UGT1A3: variants seen among roughly 807,000 people sequenced by gnomAD.
The protein encoded by UGT1A3 is UDP glucuronosyltransferase family 1 member A3.
Under a neutral mutation model 41.0 loss-of-function variants are expected in UGT1A3, and 31 were observed. That is an observed-to-expected ratio of 0.76 (90% CI 0.57 to 1.02). The LOEUF (loss-of-function observed/expected upper bound fraction) is 1.02, where lower values mean the gene tolerates loss of function less well. Among genes scored for constraint, UGT1A3 ranks in the 50% least tolerant of loss-of-function variants. The probability of loss-of-function intolerance (pLI) is 0.00; values close to 1 mark genes in which losing one functional copy is unlikely to be tolerated. For missense variants in UGT1A3, 737 were observed against 671.0 expected, an observed-to-expected ratio of 1.10 and a Z score of -1.09; for synonymous variants, 262 against 257.6, an observed-to-expected ratio of 1.02 and a Z score of -0.17.
chr2:233,755,426 C>G, intron 1 of UGT1A3: 1 of 320,654 alleles, frequency 3.1e-6, no homozygotes, highest in South Asian at 2.7e-5. Flanking sequence ...GAGCGCCTCG[C>G]ATCCCAAGAT....
intron 1 of UGT1A3, among the ~76,000 whole-genome samples, chr2:233,734,862 C>T (rs1280168224): frequency 6.6e-6 from 1 of 152,224 alleles, no homozygotes; most frequent in Admixed American, 6.5e-5. Flanking sequence ...AATTTGACTG[C>T]ACTATGGTCT....
At chr2:233,754,918 G>A (rs1172980350) in intron 1 of UGT1A3, 1 of 1,353,118 alleles carries the variant, frequency 7.4e-7, no homozygotes. Flanking sequence ...TTCTCCAGCG[G>A]GTTTCCCAAG....
chr2:233,768,597 T>C (rs1188549543), intron 4 of UGT1A3, among the ~76,000 whole-genome samples, 158 bp downstream of exon 4: 1 of 135,710 alleles, frequency 7.4e-6, no homozygotes, highest in Non-Finnish European at 1.6e-5. Context: ...TTTTTTTTTT[T>C]TTTTTTTGAG....
chr2:233,729,125 A>G lies in UGT1A3; in HGVS notation c.-2A>G, dbSNP rs760047362. On this transcript the variant is annotated 5_prime_UTR_variant, in exon 1 of 5. An upstream open reading frame in the 5' UTR loses its in-frame stop. Transcript: ENST00000482026. ...AGTCAGCTGTCCGTGTCTTCTGCTG[A>G]GATGGCCACAGGACTCCAGGTTCCC... 5 of 1,613,014 alleles carry G rather than the reference A, an allele frequency of 3.1e-6. No individual in the cohort carries two copies. The African/African-American group carries it at 6.7e-5, about 22-fold the overall frequency.
intron 1 of UGT1A3, among the ~76,000 whole-genome samples, chr2:233,736,231 C>A (rs570595506): frequency 2.0e-5 from 3 of 152,220 alleles, no homozygotes; most frequent in East Asian, 1.9e-4. Flanking sequence ...TTTTCTCTAA[C>A]CTTGTCTTCT....
chr2:233,729,751 C>G lies in UGT1A3; in HGVS notation c.625C>G (p.Gln209Glu), dbSNP rs1485305910. The G allele has an allele frequency of 6.2e-7, 1 of 1,614,002 alleles. No individual in the cohort carries two copies. The highest frequency in any genetic ancestry group is 1.7e-4 in the Middle Eastern group (1 of 6,054). ...CAATTCAGACCACATGACATTCATG[C>G]AAAGGGTCAAGAACATGCTCTACCC... ...TTNSDHMTFM[Q>E]RVKNMLYPLA... The change falls in exon 1 of 5, where the codon CAA (glutamine) becomes GAA (glutamate). Residue 209 changes from glutamine (Q) to glutamate (E), a missense_variant. Gln to Glu is a conservative substitution (Grantham distance 29, BLOSUM62 2). Coordinates refer to ENST00000482026, the MANE Select transcript of UGT1A3 (RefSeq NM_019093.4).
At chr2:233,766,944 A>C (rs1699286381) in intron 1 of UGT1A3, 90 bp from the exon 2 acceptor site, 2 of 1,597,570 alleles carry the variant, frequency 1.3e-6, no homozygotes, top group South Asian at 2.3e-5. Context: ...TCATAGTCTT[A>C]AGAGGAAGAT....
chr2:233,757,899 T>C (rs1696747026), intron 1 of UGT1A3, among the ~76,000 whole-genome samples: 1 of 152,126 alleles, frequency 6.6e-6, no homozygotes, highest in African/African-American at 2.4e-5. Context: ...ACACTTTCCA[T>C]GGACGTGTCA....
chr2:233,729,416 C>G lies in UGT1A3; in HGVS notation c.290C>G (p.Thr97Ser). The G allele has an allele frequency of 6.2e-7, 1 of 1,613,628 alleles. No individual in the cohort carries two copies. Among genetic ancestry groups the G allele is most frequent in the Non-Finnish European group, 8.5e-7 (1 of 1,179,678 alleles). ...TTTGATCGCCATGTGCTGGGCCACA[C>G]TCAACTGTACTTTGAAACAGAACAT... is the stretch of plus-strand genomic sequence containing the variant. Reference protein sequence around the residue: ...DEFDRHVLGHTQLYFETEHFL... With the variant: ...DEFDRHVLGHSQLYFETEHFL... The change falls in exon 1 of 5, where the codon ACT (threonine) becomes AGT (serine). Residue 97 changes from threonine to serine, a missense_variant. Transcript: ENST00000482026.
rs1029804751 is a variant in UGT1A3, at chr2:233,760,707, G to A, written c.868-6327G>A. ...ACAACAAGGAGCTCATGGCCTCCCT[G>A]GCAGAAAGCAGCTTTGATGTCATGC... On this transcript the variant is annotated intron_variant, in intron 1 of 4. Transcript: ENST00000482026. 6.8e-6 allele frequency: 11 copies of A among 1,614,064 alleles called. No individual in the cohort carries two copies. The East Asian group carries it at 8.9e-5, about 13-fold the overall frequency.
chr2:233,759,924 C>T (rs887829), intron 1 of UGT1A3, among the ~76,000 whole-genome samples: 54,890 of 151,920 alleles, frequency 0.36, 10,314 homozygotes, highest in African/African-American at 0.45. Context: ...TGTTTAATTT[C>T]TGGAAAAGAA....
At chr2:233,732,356 G>A (rs946467388) in intron 1 of UGT1A3, among the ~76,000 whole-genome samples, 35 of 152,232 alleles carry the variant, frequency 2.3e-4, no homozygotes, top group Non-Finnish European at 4.6e-4. Context: ...TAGTCATGAA[G>A]TCCTGGCCCA....
chr2:233,770,355 G>C (rs1271934216), intron 4 of UGT1A3: 2 of 152,122 alleles, frequency 1.3e-5, no homozygotes, highest in African/African-American at 4.8e-5. Flanking sequence ...ACTATTGAAT[G>C]AATGAATGAA....
At chr2:233,763,812 C>A (rs1698404052) in intron 1 of UGT1A3, among the ~76,000 whole-genome samples, 1 of 152,104 alleles carries the variant, frequency 6.6e-6, no homozygotes, top group Non-Finnish European at 1.5e-5. Context: ...TCAAGAATTC[C>A]AAGATGTTCC....
intron 1 of UGT1A3, among the ~76,000 whole-genome samples, chr2:233,749,028 G>T (rs564218690): frequency 1.3e-5 from 2 of 151,722 alleles, no homozygotes; most frequent in South Asian, 4.2e-4. Context: ...AATATTTGGG[G>T]TTCATTGATG....
intron 1 of UGT1A3, chr2:233,760,208 A>G: frequency 6.3e-7 from 1 of 1,589,248 alleles, no homozygotes; most frequent in Non-Finnish European, 8.5e-7. Flanking sequence ...TCAAACATTA[A>G]CTTGGTGTAT....
At chr2:233,745,320 A>T (rs1693070605) in intron 1 of UGT1A3, among the ~76,000 whole-genome samples, 1 of 151,792 alleles carries the variant, frequency 6.6e-6, no homozygotes, top group African/African-American at 2.4e-5. Flanking sequence ...TTTCCACTAG[A>T]ACTGCTATAT....
intron 1 of UGT1A3, chr2:233,755,414 G>T (rs11673726): frequency 0.36 from 117,303 of 321,602 alleles, 22,184 homozygotes; most frequent in African/African-American, 0.41. Context: ...GCCGAGGCCT[G>T]TGAGCGCCTC....
Position 233,760,901 on chromosome 2 carries a change from C to T in UGT1A3, c.868-6133C>T, listed in dbSNP as rs766170365. The T allele has an allele frequency of 1.9e-6, 3 of 1,614,178 alleles. No homozygotes were observed. The highest frequency in any genetic ancestry group is 2.2e-5 in the East Asian group (1 of 44,884). On this transcript the variant is annotated intron_variant, in intron 1 of 4. Coordinates refer to ENST00000482026, the MANE Select transcript of UGT1A3 (RefSeq NM_019093.4). ...CTCTCCTCTCATTCAGATCACATGA[C>T]CTTCCTGCAGCGGGTGAAGAACATG... is the stretch of plus-strand genomic sequence containing the variant.
Sources: gnomAD v4.1 joint callset for allele counts (sites outside exome capture counted in the v4.1 genomes callset) on GRCh38, gnomAD v4.1.1 for gene constraint, MANE v1.5 for transcripts, NCBI Gene and HGNC (gene_info 2026-07-23, HGNC 2026-07-21) for gene names.